The following PRR7 variants were observed in gnomAD, a reference collection of about 807,000 sequenced individuals.
The protein encoded by PRR7 is proline-rich protein 7.
PRR7 carries 8 observed loss-of-function variants against 18.5 expected under a neutral mutation model. The observed-to-expected ratio is 0.43, with a 90% confidence interval of 0.25 to 0.78. The LOEUF is 0.78. Ranked by LOEUF, PRR7 falls within the 30% of genes least tolerant of loss-of-function variation. The probability of loss-of-function intolerance (pLI) is 0.22; values close to 1 mark genes in which losing one functional copy is unlikely to be tolerated. For synonymous variants in PRR7, 221 were observed against 187.7 expected, an observed-to-expected ratio of 1.18 and a Z score of -1.45; for missense variants, 396 against 403.1, an observed-to-expected ratio of 0.98 and a Z score of 0.15.
chr5:177,448,769 G>A (rs1458360405), intron 1 of PRR7, among the ~76,000 whole-genome samples: 1 of 152,202 alleles, frequency 6.6e-6, no homozygotes, highest in Non-Finnish European at 1.5e-5. Context: ...TTTCTCCGGT[G>A]AGACCAAGCA....
intron 1 of PRR7, among the ~76,000 whole-genome samples, chr5:177,451,908 C>G (rs1756183439): frequency 6.6e-6 from 1 of 150,898 alleles, no homozygotes; most frequent in Admixed American, 6.6e-5. Context: ...ATCATCAGAG[C>G]TAATGTCTGT....
At position 177,455,655 on chromosome 5, in the gene PRR7, T is replaced by C. The variant is rs931479939; in HGVS notation, c.428-69T>C. On this transcript the variant is annotated intron_variant, in intron 3 of 3. Transcript: ENST00000323249. The surrounding 1 kb of genome is among the most constrained non-coding windows in gnomAD (Gnocchi z 6.9). Reference sequence around the variant, plus strand: ...CTAGGGCTGGGGCGCGGGCGGCCCCTGGCCGGGGCCTCTGCGAGAGGCTGG... The same window carrying C: ...CTAGGGCTGGGGCGCGGGCGGCCCCCGGCCGGGGCCTCTGCGAGAGGCTGG... 12 of 1,438,854 alleles carry C rather than the reference T, an allele frequency of 8.3e-6. No homozygotes were observed. The highest frequency in any genetic ancestry group is 2.7e-5 in the Admixed American group (1 of 37,514). 89.1% of individuals were successfully genotyped at this position (1,438,854 alleles called of 1,614,324 possible). A position where few individuals can be genotyped will look rare whatever the true frequency, so the allele number is the denominator to read the frequency against.
intron 1 of PRR7, among the ~76,000 whole-genome samples, chr5:177,452,194 T>C (rs1756194544): frequency 6.6e-6 from 1 of 152,178 alleles, no homozygotes; most frequent in African/African-American, 2.4e-5. Flanking sequence ...CAGACTTCGG[T>C]CCATCTGCAG....
rs556870318 is a variant in PRR7, at chr5:177,452,563, G to A, written c.-324-1393G>A. Among the ~76,000 whole-genome samples, 26 of 152,360 alleles carry A rather than the reference G, an allele frequency of 1.7e-4. No homozygotes were observed. The South Asian group carries it at 5.2e-3, about 30-fold the overall frequency. On this transcript the variant is annotated intron_variant, in intron 1 of 3. Transcript: ENST00000323249. ...AGGATTCCAGTCCCGTGGGCCTGCT[G>A]TGGCACTGCCGAGAAGACAGCGTTC...
At chr5:177,452,260 C>T (rs1756197813) in intron 1 of PRR7, among the ~76,000 whole-genome samples, 1 of 152,222 alleles carries the variant, frequency 6.6e-6, no homozygotes, top group Non-Finnish European at 1.5e-5. Flanking sequence ...CACGTATTGG[C>T]TACTACCAGT....
intron 1 of PRR7, among the ~76,000 whole-genome samples, chr5:177,452,528 G>T (rs983897864): frequency 6.6e-6 from 1 of 152,232 alleles, no homozygotes; most frequent in Non-Finnish European, 1.5e-5. Context: ...CTGGGAGGGA[G>T]GCTTCAGACA....
Position 177,450,237 on chromosome 5 carries a change from C to T in PRR7, c.-325+3277C>T, listed in dbSNP as rs1756118827. Among the ~76,000 whole-genome samples, 1 of 152,108 alleles carries T rather than the reference C, an allele frequency of 6.6e-6. No individual in the cohort carries two copies. The highest frequency in any genetic ancestry group is 2.1e-4 in the South Asian group (1 of 4,828). Reference sequence around the variant, plus strand: ...CCCCTGCTCTGAGTTCCTGTCCCTTCCCTTGAAGACCAGCAGCTCTAGCCT... The same window carrying T: ...CCCCTGCTCTGAGTTCCTGTCCCTTTCCTTGAAGACCAGCAGCTCTAGCCT... On this transcript the variant is annotated intron_variant, in intron 1 of 3. Transcript: ENST00000323249. The surrounding 1 kb of genome is among the most constrained non-coding windows in gnomAD (Gnocchi z 6.6).
chr5:177,456,171 C>T lies in PRR7; in HGVS notation c.*50C>T. On this transcript the variant is annotated 3_prime_UTR_variant, in exon 4 of 4. Transcript: ENST00000323249. ...CACCGGCGGACTCCTGGCCTGACTGCGGGGCTTTTTAAATGCTTCCCTGGA... is the reference window on the plus strand; with the variant it reads ...CACCGGCGGACTCCTGGCCTGACTGTGGGGCTTTTTAAATGCTTCCCTGGA... The T allele has an allele frequency of 2.2e-6, 3 of 1,380,812 alleles. No homozygotes were observed. Among genetic ancestry groups the T allele is most frequent in the Non-Finnish European group, 1.9e-6 (2 of 1,071,268 alleles). 85.5% of individuals were successfully genotyped at this position (1,380,812 alleles called of 1,614,324 possible).
At position 177,452,026 on chromosome 5, in the gene PRR7, C is replaced by A. The variant is rs145842360; in HGVS notation, c.-324-1930C>A. 1.7e-4 allele frequency among the ~76,000 whole-genome samples: 26 copies of A among 152,332 alleles called. No homozygotes were observed. The East Asian group carries it at 4.2e-3, about 25-fold the overall frequency. ...CAAGGGTCTCGCTTTCATCCCCCTG[C>A]CGTGCTCCCAGTGAGTGTGTGGCCC... On this transcript the variant is annotated intron_variant, in intron 1 of 3. Coordinates refer to ENST00000323249, the MANE Select transcript of PRR7 (RefSeq NM_030567.5).
At chr5:177,447,157 A>C (rs1489540027) in intron 1 of PRR7, among the ~76,000 whole-genome samples, 197 bp downstream of exon 1, 1 of 152,024 alleles carries the variant, frequency 6.6e-6, no homozygotes, top group African/African-American at 2.4e-5. Context: ...AGGGAGCCGG[A>C]ACGGGGCGCG....
At position 177,454,995 on chromosome 5, in the gene PRR7, G is replaced by T. The variant is rs1756340401; in HGVS notation, c.-73G>T. On this transcript the variant is annotated 5_prime_UTR_variant, in exon 3 of 4. Transcript: ENST00000323249. This position sits in a 1 kb window ranked among gnomAD's most constrained non-coding sequence, Gnocchi z 4.7. ...CGCTGGCGGCACCTGAGAGTGTGGC[G>T]CGGGCCCGGGGCCACGCAGCGGAGC... 4 of 1,372,170 alleles carry T rather than the reference G, an allele frequency of 2.9e-6. No homozygotes were observed. In the African/African-American group the frequency reaches 6.0e-5, roughly 21 times the overall value. The allele number at this position is 1,372,170 out of a possible 1,614,324, so 85.0% of individuals were successfully genotyped here. A position where few individuals can be genotyped will look rare whatever the true frequency, so the allele number is the denominator to read the frequency against.
Position 177,449,510 on chromosome 5 carries a change from TG to T in PRR7, c.-325+2551del, listed in dbSNP as rs1756084102. 9.0e-6 allele frequency among the ~76,000 whole-genome samples: 1 copy of T among 110,738 alleles called. No individual in the cohort carries two copies. Among genetic ancestry groups the T allele is most frequent in the Non-Finnish European group, 2.1e-5 (1 of 46,686 alleles). 72.6% of individuals were successfully genotyped at this position (110,738 alleles called of 152,430 possible). A position where few individuals can be genotyped will look rare whatever the true frequency, so the allele number is the denominator to read the frequency against. Reference sequence around the variant, plus strand: ...TCGGCACTCTGCATGTTACCCAGGCTGCCCCCCACAGGGTGTCACCATCACG... The same window carrying T: ...TCGGCACTCTGCATGTTACCCAGGCTCCCCCCACAGGGTGTCACCATCACG... On this transcript the variant is annotated intron_variant, in intron 1 of 3. Coordinates refer to ENST00000323249, the MANE Select transcript of PRR7 (RefSeq NM_030567.5). This position sits in a 1 kb window ranked among gnomAD's most constrained non-coding sequence, Gnocchi z 4.2.
Position 177,455,574 on chromosome 5 carries a change from G to C in PRR7, c.427+80G>C. ...TTGGAGGGCTCGCTGCTTACCCTCA[G>C]GGCTTCCATCCGCAGCCTCCGGGAG... On this transcript the variant is annotated intron_variant, in intron 3 of 3. Coordinates refer to ENST00000323249, the MANE Select transcript of PRR7 (RefSeq NM_030567.5). The surrounding 1 kb of genome is among the most constrained non-coding windows in gnomAD (Gnocchi z 6.9). The C allele has an allele frequency of 7.1e-7, 1 of 1,417,774 alleles. No homozygotes were observed. The highest frequency in any genetic ancestry group is 9.1e-7 in the Non-Finnish European group (1 of 1,093,114). 87.8% of individuals were successfully genotyped at this position (1,417,774 alleles called of 1,614,324 possible).
chr5:177,454,628 G>A lies in PRR7; in HGVS notation c.-239-201G>A, dbSNP rs1176923260. Among the ~76,000 whole-genome samples, 3 of 152,018 alleles carry A rather than the reference G, an allele frequency of 2.0e-5. No homozygotes were observed. Among genetic ancestry groups the A allele is most frequent in the Non-Finnish European group, 4.4e-5 (3 of 67,942 alleles). On this transcript the variant is annotated intron_variant, in intron 2 of 3. Coordinates refer to ENST00000323249, the MANE Select transcript of PRR7 (RefSeq NM_030567.5). The surrounding 1 kb of genome is among the most constrained non-coding windows in gnomAD (Gnocchi z 4.7). Reference sequence around the variant, plus strand: ...TCGGCGCCCGGGCTCCGCGGCGGCGGCCGGGGCTCAGATCGGGGAAACCCT... The same window carrying A: ...TCGGCGCCCGGGCTCCGCGGCGGCGACCGGGGCTCAGATCGGGGAAACCCT...
chr5:177,454,971 G>C lies in PRR7; in HGVS notation c.-97G>C, dbSNP rs1756339205. On this transcript the variant is annotated 5_prime_UTR_variant, in exon 3 of 4. Coordinates refer to ENST00000323249, the MANE Select transcript of PRR7 (RefSeq NM_030567.5). This position sits in a 1 kb window ranked among gnomAD's most constrained non-coding sequence, Gnocchi z 4.7. ...CCCCGGCCGCGGGTCCCCGAGTGACGCTGGCGGCACCTGAGAGTGTGGCGC... is the reference window on the plus strand; with the variant it reads ...CCCCGGCCGCGGGTCCCCGAGTGACCCTGGCGGCACCTGAGAGTGTGGCGC... 7.5e-7 allele frequency: 1 copy of C among 1,337,608 alleles called. No homozygotes were observed. The allele number at this position is 1,337,608 out of a possible 1,614,324, so 82.9% of individuals were successfully genotyped here.
intron 1 of PRR7, among the ~76,000 whole-genome samples, chr5:177,453,625 C>T (rs1160634202): frequency 2.6e-5 from 4 of 152,066 alleles, no homozygotes; most frequent in Admixed American, 6.5e-5. Context: ...GTGTGTGCCT[C>T]GGGCACGCGG....
chr5:177,449,026 G>A lies in PRR7; in HGVS notation c.-325+2066G>A, dbSNP rs1893. ...AGGGAGCCGCTCAGCTCCAATCTTT[G>A]TCACTGTGTGAAATGTGGACTTGGT... On this transcript the variant is annotated intron_variant, in intron 1 of 3. Coordinates refer to ENST00000323249, the MANE Select transcript of PRR7 (RefSeq NM_030567.5). This position sits in a 1 kb window ranked among gnomAD's most constrained non-coding sequence, Gnocchi z 4.2. Among the ~76,000 whole-genome samples the A allele has an allele frequency of 8.6e-3, 1,312 of 152,374 alleles. 43 individuals are homozygous for A. Among genetic ancestry groups the A allele is most frequent in the Admixed American group, 0.063 (959 of 15,308 alleles).
At position 177,455,917 on chromosome 5, in the gene PRR7, C is replaced by T. The variant is rs754125537; in HGVS notation, c.621C>T (p.Asp207=). ...PPPSYKPLFL[D]RGYTSALHLP... is the part of the protein sequence containing the mutation. ...CCAGCTACAAGCCGCTCTTCCTGGA[C>T]CGGGGCTACACCTCGGCGCTGCACC... Residue 207 remains aspartate (D), a synonymous_variant, in exon 4 of 4, where the codon GAC becomes GAT. Transcript: ENST00000323249. The surrounding 1 kb of genome is among the most constrained non-coding windows in gnomAD (Gnocchi z 6.9). 2 of 1,608,198 alleles carry T rather than the reference C, an allele frequency of 1.2e-6. No homozygotes were observed. The highest frequency in any genetic ancestry group is 1.7e-6 in the Non-Finnish European group (2 of 1,179,134).
chr5:177,455,057 G>A lies in PRR7; in HGVS notation c.-11G>A, dbSNP rs779287135. On this transcript the variant is annotated 5_prime_UTR_variant, in exon 3 of 4. It adds an upstream start codon to the 5' untranslated region. Transcript: ENST00000323249. This position sits in a 1 kb window ranked among gnomAD's most constrained non-coding sequence, Gnocchi z 6.9. ...TGAAGCGTCTGAGGACCCGCCGCCC[G>A]TGCCGCCGCCATGGTGATGTCCCAG... is the stretch of plus-strand genomic sequence containing the variant. 3 of 1,448,690 alleles carry A rather than the reference G, an allele frequency of 2.1e-6. No homozygotes were observed. The highest frequency in any genetic ancestry group is 5.4e-5 in the Admixed American group (2 of 37,126). 89.7% of individuals were successfully genotyped at this position (1,448,690 alleles called of 1,614,324 possible). A position where few individuals can be genotyped will look rare whatever the true frequency, so the allele number is the denominator to read the frequency against.
Sources: allele counts gnomAD v4.1 joint callset (sites outside exome capture counted in the v4.1 genomes callset), GRCh38; gene constraint gnomAD v4.1.1; non-coding constraint Gnocchi (gnomAD v3.1); transcripts MANE v1.5; gene names NCBI Gene and HGNC (gene_info 2026-07-23, HGNC 2026-07-21).